KIAA1210: variants seen among roughly 807,000 people sequenced by gnomAD.
KIAA1210 encodes KIAA1210, also known as acrosomal protein KIAA1210.
A neutral mutation model predicts 78.9 loss-of-function variants in KIAA1210; 48 were observed. The ratio of observed to expected loss-of-function variants is 0.61; its 90% CI spans 0.48 to 0.77. The LOEUF is 0.77. KIAA1210 is among the 30% of genes least tolerant of loss of function. KIAA1210 has a pLI of 0.00. For synonymous variants in KIAA1210, 406 were observed against 404.5 expected (o/e 1.00, Z -0.04); for missense variants, 1,108 against 1,100.0 (o/e 1.01, Z -0.10).
chrX:119,114,218 A>T (rs758106356), intron 3 of KIAA1210, among the ~76,000 whole-genome samples: 1 of 111,563 alleles, frequency 9.0e-6, no homozygotes, highest in Non-Finnish European at 1.9e-5. Context: ...ATAATGACAC[A>T]CTATAAGGAC....
chrX:119,081,221 C>T lies in KIAA1210; in HGVS notation c.*108G>A. On this transcript the variant is annotated 3_prime_UTR_variant, in exon 12 of 12. Coordinates refer to ENST00000691062, the MANE Select transcript of KIAA1210 (RefSeq NM_001394962.1). Reference sequence around the variant, plus strand: ...GGCGGAGCTTGCAGTGAGCGGAGATCGCGCCACTGCACTCCAATCTGGGTA... The same window carrying T: ...GGCGGAGCTTGCAGTGAGCGGAGATTGCGCCACTGCACTCCAATCTGGGTA... The T allele has an allele frequency of 3.3e-6, 2 of 614,560 alleles. No homozygotes were observed. Among genetic ancestry groups the T allele is most frequent in the South Asian group, 4.8e-5 (1 of 20,764 alleles). 50.6% of individuals were successfully genotyped at this position (614,560 alleles called of 1,213,427 possible). A position where few individuals can be genotyped will look rare whatever the true frequency, so the allele number is the denominator to read the frequency against.
intron 2 of KIAA1210, among the ~76,000 whole-genome samples, chrX:119,145,606 G>A (rs1172388552): frequency 4.5e-5 from 5 of 111,210 alleles, no homozygotes; most frequent in African/African-American, 1.3e-4. Context: ...GGCAGGTGAG[G>A]TGAGCACATC....
chrX:119,147,459 G>A (rs1184055308), intron 2 of KIAA1210: 1 of 1,210,481 alleles, frequency 8.3e-7, no homozygotes, highest in Non-Finnish European at 1.1e-6. Flanking sequence ...TGTTGCAGAA[G>A]CTCTCAGCCT....
chrX:119,121,420 C>A (rs763019610), intron 2 of KIAA1210, among the ~76,000 whole-genome samples: 2 of 111,835 alleles, frequency 1.8e-5, no homozygotes, highest in African/African-American at 6.5e-5. Context: ...CAGCTGAGAG[C>A]TGACAGCTGT....
intron 1 of KIAA1210, among the ~76,000 whole-genome samples, chrX:119,148,866 A>G (rs1929226642): frequency 9.0e-6 from 1 of 111,403 alleles, no homozygotes; most frequent in East Asian, 2.8e-4. Context: ...ATTTATACAT[A>G]AAATCTAGAC....
chrX:119,087,973 G>C lies in KIAA1210; in HGVS notation c.2729C>G (p.Ser910Cys), dbSNP rs367729161. 1 of 1,208,749 alleles carries C rather than the reference G, an allele frequency of 8.3e-7. No individual in the cohort carries two copies. The highest frequency in any genetic ancestry group is 1.1e-6 in the Non-Finnish European group (1 of 894,629). Reference sequence around the variant, plus strand: ...AAATTTAGGGGTCACCCATGGCGGGGAAGTGTATTTGGAAGGTGTTGGTGC... The same window carrying C: ...AAATTTAGGGGTCACCCATGGCGGGCAAGTGTATTTGGAAGGTGTTGGTGC... ...PVAPTPSKYT[S>C]PPWVTPKFEE... Residue 910 changes from serine to cysteine, a missense_variant, in exon 9 of 12, where the codon TCC becomes TGC. Ser to Cys is a moderately radical substitution (Grantham distance 112). This residue lies in a region of KIAA1210 where 179 missense variants were observed against 174.1 expected (regional missense o/e 1.03). Coordinates refer to ENST00000691062, the MANE Select transcript of KIAA1210 (RefSeq NM_001394962.1).
chrX:119,092,007 G>GACAGGTGC (rs1317681717), intron 8 of KIAA1210, among the ~76,000 whole-genome samples: 1 of 111,699 alleles, frequency 9.0e-6, no homozygotes, highest in Admixed American at 9.5e-5. Context: ...TTACTCTAAT[G>GACAGGTGC]ACAGGTGCAC....
At position 119,081,079 on chromosome X, in the gene KIAA1210, T is replaced by C. The variant is rs1301691458; in HGVS notation, c.*250A>G. 4 of 212,102 alleles carry C rather than the reference T, an allele frequency of 1.9e-5. No individual in the cohort carries two copies. Among genetic ancestry groups the C allele is most frequent in the African/African-American group, 3.0e-5 (1 of 33,633 alleles). 17.5% of individuals were successfully genotyped at this position (212,102 alleles called of 1,213,427 possible). A position where few individuals can be genotyped will look rare whatever the true frequency, so the allele number is the denominator to read the frequency against. On this transcript the variant is annotated 3_prime_UTR_variant, in exon 12 of 12. Transcript: ENST00000691062. Reference sequence around the variant, plus strand: ...GAGATCAAGACCATCCTGGCCAACATGGTGAAACCCCGTCTCTACTAAAAA... The same window carrying C: ...GAGATCAAGACCATCCTGGCCAACACGGTGAAACCCCGTCTCTACTAAAAA...
chrX:119,104,645 A>G (rs1292611112), intron 6 of KIAA1210, among the ~76,000 whole-genome samples: 1 of 111,482 alleles, frequency 9.0e-6, no homozygotes, highest in African/African-American at 3.3e-5. Context: ...ATATGTGTCT[A>G]TCAAATAATA....
At chrX:119,116,394 G>A in intron 3 of KIAA1210, 102 bp downstream of exon 3, 1 of 821,463 alleles carries the variant, frequency 1.2e-6, no homozygotes, top group Non-Finnish European at 1.7e-6. Flanking sequence ...CACAGGTGGG[G>A]ACTCTTGGTG....
At chrX:119,138,227 T>TTTG (rs1157492743) in intron 2 of KIAA1210, among the ~76,000 whole-genome samples, 6 of 89,941 alleles carry the variant, frequency 6.7e-5, no homozygotes, top group African/African-American at 2.1e-4. Context: ...TTTTTTTTTT[T>TTTG]TTTTTTTTTG....
chrX:119,142,728 T>C (rs769610178), intron 2 of KIAA1210, among the ~76,000 whole-genome samples: 1 of 85,376 alleles, frequency 1.2e-5, no homozygotes, highest in South Asian at 7.1e-4. Flanking sequence ...TGAGCCGAGA[T>C]CATGCCACTG....
chrX:119,118,996 G>A (rs1185556329), intron 2 of KIAA1210, among the ~76,000 whole-genome samples: 3 of 112,050 alleles, frequency 2.7e-5, no homozygotes, highest in South Asian at 3.7e-4. Context: ...ACTGGGGAGC[G>A]CAGAATACCA....
rs752801327 is a variant in KIAA1210 at position 119,085,859 on chromosome X, C to G, written c.4157-313G>C. On this transcript the variant is annotated intron_variant, in intron 9 of 11. Coordinates refer to ENST00000691062, the MANE Select transcript of KIAA1210 (RefSeq NM_001394962.1). ...GGGAAAATCCCAAGGATGCCAGAGG[C>G]TCAGGCCATTGATGCCATTCCTCTA... Among the ~76,000 whole-genome samples the G allele has an allele frequency of 3.5e-5, 4 of 112,921 alleles. No homozygotes were observed. In the South Asian group the frequency reaches 1.5e-3, roughly 41 times the overall value.
intron 1 of KIAA1210, among the ~76,000 whole-genome samples, chrX:119,147,751 C>T (rs1308582232): frequency 8.9e-6 from 1 of 112,677 alleles, no homozygotes; most frequent in Non-Finnish European, 1.9e-5. Flanking sequence ...AGAAGACAGG[C>T]TTGGAGAGAA....
At chrX:119,150,499 G>A in exon 1 of KIAA1210, 1 of 1,211,266 alleles carries the variant, frequency 8.3e-7, no homozygotes, top group Non-Finnish European at 1.1e-6. Context: ...TGGGGCCCAG[G>A]TGAGCCAGGT....
chrX:119,087,899 C>T lies in KIAA1210; in HGVS notation c.2803G>A (p.Glu935Lys), dbSNP rs1464966381. ...SAHPESTTVE[E>K]DISKEQLLPR... ...AGCAGCTGCTCCTTAGAAATGTCCTCTTCAACAGTAGTGCTTTCTGGATGT... is the reference window on the plus strand; with the variant it reads ...AGCAGCTGCTCCTTAGAAATGTCCTTTTCAACAGTAGTGCTTTCTGGATGT... The change falls in exon 9 of 12, where the codon GAG becomes AAG. Residue 935 changes from glutamate to lysine, a missense_variant. By Grantham distance (56) the Glu-to-Lys change is moderately conservative (BLOSUM62 1). Around this residue, in one of 5 missense-constraint regions of KIAA1210, gnomAD observed 179 missense variants for 174.1 expected, o/e 1.03. Transcript: ENST00000691062. 5 of 1,210,331 alleles carry T rather than the reference C, an allele frequency of 4.1e-6. No individual in the cohort carries two copies. In the African/African-American group the frequency reaches 8.7e-5, roughly 21 times the overall value.
chrX:119,132,342 G>T (rs1928812917), upstream of KIAA1210, among the ~76,000 whole-genome samples: 1 of 111,495 alleles, frequency 9.0e-6, no homozygotes, highest in Non-Finnish European at 1.9e-5. Context: ...GAGTCCTAGA[G>T]GCTCTAGCTC....
intron 3 of KIAA1210, among the ~76,000 whole-genome samples, chrX:119,109,548 G>A (rs1179829688): frequency 1.8e-5 from 2 of 111,604 alleles, no homozygotes; most frequent in African/African-American, 3.3e-5. Context: ...TTTACATTAT[G>A]AGCATATATC....
Sources: allele counts gnomAD v4.1 joint callset (sites outside exome capture counted in the v4.1 genomes callset), GRCh38; gene constraint gnomAD v4.1.1; regional missense constraint gnomAD v4.1.1; transcripts MANE v1.5; gene names NCBI Gene and HGNC (gene_info 2026-07-23, HGNC 2026-07-21).